Variants in FBXO31 observed in about 807,000 individuals in gnomAD.
FBXO31 encodes the protein F-box only protein 31.
A neutral mutation model predicts 54.4 loss-of-function variants in FBXO31; 24 were observed. The observed-to-expected ratio is 0.44, with a 90% confidence interval of 0.32 to 0.62. The LOEUF is 0.62. Ranked by LOEUF, FBXO31 falls within the 20% of genes least tolerant of loss-of-function variation. The probability of loss-of-function intolerance (pLI) is 0.05; values close to 1 mark genes in which losing one functional copy is unlikely to be tolerated. For synonymous variants in FBXO31, 388 were observed against 335.6 expected (o/e 1.16, Z -1.71); for missense variants, 665 against 787.1 (o/e 0.84, Z 1.86).
intron 1 of FBXO31, among the ~76,000 whole-genome samples, chr16:87,381,991 C>A (rs1907099529): frequency 6.6e-6 from 1 of 151,808 alleles, no homozygotes; most frequent in African/African-American, 2.4e-5. Context: ...CCACTGCACT[C>A]CACAGCCTGG....
chr16:87,353,081 G>A (rs750058641), intron 2 of FBXO31, among the ~76,000 whole-genome samples: 20 of 152,158 alleles, frequency 1.3e-4, no homozygotes, highest in East Asian at 7.7e-4. Flanking sequence ...CTCTATTTCC[G>A]TCAGCCGAGG....
At chr16:87,374,901 G>A (rs1197064700) in intron 1 of FBXO31, among the ~76,000 whole-genome samples, 3 of 152,198 alleles carry the variant, frequency 2.0e-5, no homozygotes, top group African/African-American at 7.2e-5. Context: ...GAACAGTGCC[G>A]ACTGGGCGTA....
chr16:87,374,541 G>A (rs1017106809), intron 1 of FBXO31, among the ~76,000 whole-genome samples: 11 of 152,188 alleles, frequency 7.2e-5, no homozygotes, highest in African/African-American at 2.2e-4. Flanking sequence ...TCCTAAGCCC[G>A]ACTGTCTGTA....
chr16:87,362,410 A>G (rs1906175583), intron 1 of FBXO31: 2 of 152,042 alleles, frequency 1.3e-5, no homozygotes, highest in African/African-American at 4.8e-5. Context: ...TTAGAAATGG[A>G]GTCTCATGTC....
intron 2 of FBXO31, among the ~76,000 whole-genome samples, chr16:87,347,986 G>A (rs1049439028): frequency 6.6e-6 from 1 of 152,184 alleles, no homozygotes; most frequent in African/African-American, 2.4e-5. Context: ...CCCGTTCCTT[G>A]CCAGCCAATG....
intron 1 of FBXO31, among the ~76,000 whole-genome samples, chr16:87,382,185 G>A (rs925067076): frequency 1.6e-4 from 25 of 152,204 alleles, no homozygotes; most frequent in African/African-American, 5.3e-4. Flanking sequence ...AGTGAGGGAC[G>A]AGTCTGTGCT....
chr16:87,343,370 G>A (rs1274513786), intron 4 of FBXO31, among the ~76,000 whole-genome samples: 3 of 152,272 alleles, frequency 2.0e-5, no homozygotes, highest in South Asian at 4.1e-4. Flanking sequence ...AAGAAACAGC[G>A]GCTCTAACTG....
At chr16:87,381,824 A>G (rs1363225403) in intron 1 of FBXO31, among the ~76,000 whole-genome samples, 1 of 152,176 alleles carries the variant, frequency 6.6e-6, no homozygotes, top group Non-Finnish European at 1.5e-5. Context: ...GGAGTTCCAG[A>G]GCATCCTGGC....
In FBXO31 at chr16:87,350,074, G is replaced by C. The variant is rs559919566; in HGVS notation, c.413-2824C>G. Among the ~76,000 whole-genome samples the C allele has an allele frequency of 2.6e-5, 4 of 152,276 alleles. No individual in the cohort carries two copies. The East Asian group carries it at 5.8e-4, about 22-fold the overall frequency. On this transcript the variant is annotated intron_variant, in intron 2 of 8. Transcript: ENST00000311635. ...GGTTTATGTCTGCTGTCCTGCACCT[G>C]TATCTGCTTGAGTGAGCATGTGTGA...
At chr16:87,344,326 G>C (rs1905289666) in intron 3 of FBXO31, among the ~76,000 whole-genome samples, 1 of 152,274 alleles carries the variant, frequency 6.6e-6, no homozygotes, top group South Asian at 2.1e-4. Flanking sequence ...GACCCCGGGA[G>C]GGGCGCTCAG....
At chr16:87,340,947 C>T (rs1264738582) in intron 5 of FBXO31, among the ~76,000 whole-genome samples, 1 of 152,182 alleles carries the variant, frequency 6.6e-6, no homozygotes, top group Non-Finnish European at 1.5e-5. Context: ...TACAAACCCA[C>T]TTGAAACCCG....
chr16:87,334,774 T>C (rs1311615498), intron 7 of FBXO31, among the ~76,000 whole-genome samples: 1 of 152,158 alleles, frequency 6.6e-6, no homozygotes, highest in African/African-American at 2.4e-5. Context: ...CCAATAACCA[T>C]TCAGGGCAGG....
chr16:87,352,314 AAT>A (rs1905697307), intron 2 of FBXO31, among the ~76,000 whole-genome samples: 1 of 152,310 alleles, frequency 6.6e-6, no homozygotes, highest in Admixed American at 6.5e-5. Context: ...CCAAAAATTA[AAT>A]AGATGATTTA....
In FBXO31 at chr16:87,343,010, C is replaced by G. The variant is rs1433806877; in HGVS notation, c.658-59G>C. ...TGAGGAACAGAGTCCATCACAGCAT[C>G]CCCCACCCCAGGCAGGTGGCCACGA... On this transcript the variant is annotated intron_variant, in intron 4 of 8. Transcript: ENST00000311635. 4 of 1,470,452 alleles carry G rather than the reference C, an allele frequency of 2.7e-6. No individual in the cohort carries two copies. In the African/African-American group the frequency reaches 5.5e-5, roughly 20 times the overall value. 91.1% of individuals were successfully genotyped at this position (1,470,452 alleles called of 1,614,324 possible).
intron 1 of FBXO31, among the ~76,000 whole-genome samples, chr16:87,370,226 G>A (rs1462331021): frequency 6.6e-6 from 1 of 152,236 alleles, no homozygotes; most frequent in African/African-American, 2.4e-5. Flanking sequence ...CCTGGGAAGG[G>A]AAGATGAAGA....
At chr16:87,379,486 C>T (rs1458431703) in intron 1 of FBXO31, among the ~76,000 whole-genome samples, 1 of 152,142 alleles carries the variant, frequency 6.6e-6, no homozygotes, top group Non-Finnish European at 1.5e-5. Context: ...GAAAGGGGAA[C>T]AATAAATGTT....
At chr16:87,334,695 G>C (rs1904987444) in intron 7 of FBXO31, among the ~76,000 whole-genome samples, 1 of 152,258 alleles carries the variant, frequency 6.6e-6, no homozygotes, top group Non-Finnish European at 1.5e-5. Flanking sequence ...CATTATGCCA[G>C]ATGTGGCCCT....
In FBXO31 at chr16:87,335,227, C is replaced by A. The variant is rs1905007991; in HGVS notation, c.996+77G>T. 1.3e-6 allele frequency: 2 copies of A among 1,593,514 alleles called. No homozygotes were observed. Among genetic ancestry groups the A allele is most frequent in the African/African-American group, 1.3e-5 (1 of 74,832 alleles). On this transcript the variant is annotated intron_variant, in intron 7 of 8. Coordinates refer to ENST00000311635, the MANE Select transcript of FBXO31 (RefSeq NM_024735.5). This position sits in a 1 kb window ranked among gnomAD's most constrained non-coding sequence, Gnocchi z 5.7. Reference sequence around the variant, plus strand: ...CAAGGGTGCCGGGGATCAGTGTCTGCCCAAGTTCCCTGACTCCACAGCCCA... The same window carrying A: ...CAAGGGTGCCGGGGATCAGTGTCTGACCAAGTTCCCTGACTCCACAGCCCA...
In FBXO31 at chr16:87,360,298, T is replaced by C. The variant is rs1188921624; in HGVS notation, c.409A>G (p.Lys137Glu). The C allele has an allele frequency of 3.1e-6, 5 of 1,614,144 alleles. No homozygotes were observed. The highest frequency in any genetic ancestry group is 4.2e-6 in the Non-Finnish European group (5 of 1,179,954). Reference protein sequence around the residue: ...TGVSCRDVYAKLLHRYRHILG... With the variant: ...TGVSCRDVYAELLHRYRHILG... ...GGTAACAAATAGATTCACTCACGCT[T>C]CGCATAGACGTCCCGACAAGACACG... The change falls in exon 2 of 9, where the codon AAG (lysine) becomes GAG (glutamate). Residue 137 changes from lysine to glutamate, a missense_variant. Transcript: ENST00000311635.
Sources: gnomAD v4.1 joint callset for allele counts (sites outside exome capture counted in the v4.1 genomes callset) on GRCh38, gnomAD v4.1.1 for gene constraint, Gnocchi (gnomAD v3.1) non-coding constraint, MANE v1.5 for transcripts, NCBI Gene and HGNC (gene_info 2026-07-23, HGNC 2026-07-21) for gene names.